Variants in ENOX2 observed in about 807,000 individuals in gnomAD.
ENOX2 encodes the protein ecto-NOX disulfide-thiol exchanger 2, also known as APK1 antigen.
A neutral mutation model predicts 45.0 loss-of-function variants in ENOX2; 36 were observed. The ratio of observed to expected loss-of-function variants is 0.80; its 90% confidence interval spans 0.61 to 1.06. ENOX2 has a LOEUF of 1.06. Ranked by LOEUF, ENOX2 falls within the 50% of genes least tolerant of loss-of-function variation. The pLI is 0.00. For missense variants in ENOX2, 423 were observed against 462.5 expected, an observed-to-expected ratio of 0.91 and a Z score of 0.78; for synonymous variants, 174 against 152.3, an observed-to-expected ratio of 1.14 and a Z score of -1.05.
At chrX:130,890,157 T>C (rs959131850) in intron 2 of ENOX2, among the ~76,000 whole-genome samples, 2 of 112,033 alleles carry the variant, frequency 1.8e-5, no homozygotes, top group African/African-American at 6.5e-5. Flanking sequence ...GATGATTTTT[T>C]TTTTGTTAGC....
At chrX:130,632,227 T>C (rs1386674068) in intron 12 of ENOX2, among the ~76,000 whole-genome samples, 1 of 110,746 alleles carries the variant, frequency 9.0e-6, no homozygotes, top group African/African-American at 3.3e-5. Context: ...CTAGTCTTTC[T>C]CTCTCTCTGA....
chrX:130,666,366 TAG>T (rs1392337428), intron 8 of ENOX2, among the ~76,000 whole-genome samples: 1 of 111,834 alleles, frequency 8.9e-6, no homozygotes, highest in African/African-American at 3.3e-5. Context: ...AGTGCGGTCC[TAG>T]AGAGTATTTT....
intron 10 of ENOX2, among the ~76,000 whole-genome samples, chrX:130,644,864 C>G (rs2036186915): frequency 9.0e-6 from 1 of 111,042 alleles, no homozygotes; most frequent in Admixed American, 9.6e-5. Flanking sequence ...ACATGCAAGA[C>G]CAAGAATGAA....
chrX:130,883,313 G>A (rs1222434257), intron 2 of ENOX2, among the ~76,000 whole-genome samples: 2 of 111,148 alleles, frequency 1.8e-5, no homozygotes, highest in East Asian at 2.8e-4. Context: ...GTTTTGCCAC[G>A]TTGGCCACGC....
At chrX:130,777,107 T>C (rs1275672593) in intron 3 of ENOX2, among the ~76,000 whole-genome samples, 2 of 111,684 alleles carry the variant, frequency 1.8e-5, no homozygotes, top group African/African-American at 3.3e-5. Context: ...GAAATGATTA[T>C]ATGGGTCTGG....
At chrX:130,806,068 C>T (rs1319244273) in intron 2 of ENOX2, among the ~76,000 whole-genome samples, 1 of 111,775 alleles carries the variant, frequency 8.9e-6, no homozygotes, top group Non-Finnish European at 1.9e-5. Context: ...GGTGTGGTCT[C>T]AGAGTGCATT....
At chrX:130,878,338 G>A (rs1280261512) in intron 2 of ENOX2, among the ~76,000 whole-genome samples, 4 of 111,523 alleles carry the variant, frequency 3.6e-5, no homozygotes, top group Non-Finnish European at 7.5e-5. Context: ...TTTCTTCTCA[G>A]ACCATTTCTT....
At chrX:130,640,734 A>G (rs2036058038) in intron 10 of ENOX2, among the ~76,000 whole-genome samples, 1 of 111,074 alleles carries the variant, frequency 9.0e-6, no homozygotes, top group Non-Finnish European at 1.9e-5. Flanking sequence ...AGGGAACAAC[A>G]CACGCTGGGG....
intron 6 of ENOX2, among the ~76,000 whole-genome samples, chrX:130,674,373 A>G (rs985626211): frequency 2.7e-4 from 30 of 110,679 alleles, no homozygotes; most frequent in Non-Finnish European, 5.3e-4. Context: ...CTGAAAAAAA[A>G]AAAAAGAACA....
intron 3 of ENOX2, among the ~76,000 whole-genome samples, chrX:130,764,689 C>T (rs2039576150): frequency 9.0e-6 from 1 of 110,925 alleles, no homozygotes; most frequent in South Asian, 3.8e-4. Flanking sequence ...TAGCACATTG[C>T]CCTAATTCAG....
chrX:130,734,542 C>T (rs1421989602), intron 3 of ENOX2, among the ~76,000 whole-genome samples: 2 of 111,720 alleles, frequency 1.8e-5, no homozygotes, highest in African/African-American at 6.5e-5. Context: ...GCAGAAATTT[C>T]TCTGCCTCCA....
chrX:130,836,228 AG>A (rs1209520990), intron 2 of ENOX2, among the ~76,000 whole-genome samples: 1 of 112,096 alleles, frequency 8.9e-6, no homozygotes, highest in African/African-American at 3.2e-5. Context: ...TAATAATAAA[AG>A]TCTCAGACTT....
chrX:130,692,889 C>T (rs1214172717), intron 4 of ENOX2, among the ~76,000 whole-genome samples: 1 of 110,841 alleles, frequency 9.0e-6, no homozygotes, highest in Admixed American at 9.6e-5. Context: ...AGGCCCAGCC[C>T]GTATTCCCTC....
intron 2 of ENOX2, among the ~76,000 whole-genome samples, chrX:130,853,159 C>T (rs1449504778): frequency 1.8e-5 from 2 of 108,327 alleles, no homozygotes; most frequent in Non-Finnish European, 3.8e-5. Flanking sequence ...TGCCAATGGG[C>T]AGAGGGAAAA....
At chrX:130,710,011 T>C (rs1349527872) in intron 3 of ENOX2, among the ~76,000 whole-genome samples, 1 of 110,936 alleles carries the variant, frequency 9.0e-6, no homozygotes, top group Admixed American at 9.6e-5. Context: ...TGAGAACATA[T>C]GGTATTTGGT....
chrX:130,774,880 C>G (rs1179728058), intron 3 of ENOX2, among the ~76,000 whole-genome samples: 1 of 111,868 alleles, frequency 8.9e-6, no homozygotes. Context: ...CCAGTTTCCC[C>G]TGGTATAAAA....
At chrX:130,900,066 G>A (rs1012085672) in intron 2 of ENOX2, among the ~76,000 whole-genome samples, 1 of 111,779 alleles carries the variant, frequency 8.9e-6, no homozygotes, top group African/African-American at 3.3e-5. Flanking sequence ...CACCTCCACT[G>A]TATCCTTCCC....
intron 3 of ENOX2, among the ~76,000 whole-genome samples, chrX:130,740,846 CAG>C (rs771117998): frequency 4.4e-4 from 49 of 111,785 alleles, no homozygotes; most frequent in African/African-American, 1.3e-3. Context: ...CCTTTGGAGT[CAG>C]ACAGACCTGG....
At chrX:130,646,865 A>G (rs773779002) in intron 10 of ENOX2, among the ~76,000 whole-genome samples, 2 of 112,437 alleles carry the variant, frequency 1.8e-5, no homozygotes, top group South Asian at 7.4e-4. Flanking sequence ...CCCAGATAAA[A>G]TGTTTTGTCT....
Sources: gnomAD v4.1 joint callset for allele counts (sites outside exome capture counted in the v4.1 genomes callset) on GRCh38, gnomAD v4.1.1 for gene constraint, MANE v1.5 for transcripts, NCBI Gene and HGNC (gene_info 2026-07-23, HGNC 2026-07-21) for gene names.